EIF2B3: variants seen among roughly 807,000 people sequenced by gnomAD.
The protein encoded by EIF2B3 is eukaryotic translation initiation factor 2B subunit gamma, also known as translation initiation factor eIF2B subunit gamma.
EIF2B3 carries 20 observed loss-of-function variants against 54.1 expected under a neutral mutation model. The ratio of observed to expected loss-of-function variants is 0.37; its 90% CI spans 0.26 to 0.54. EIF2B3 has a LOEUF of 0.54. Ranked by LOEUF, EIF2B3 falls within the 20% of genes least tolerant of loss-of-function variation. The pLI, the probability that EIF2B3 is intolerant of heterozygous loss-of-function variation, is 0.86. For synonymous variants in EIF2B3, 153 were observed against 188.1 expected, an observed-to-expected ratio of 0.81 and a Z score of 1.52; for missense variants, 448 against 547.8, an observed-to-expected ratio of 0.82 and a Z score of 1.82.
intron 1 of EIF2B3, among the ~76,000 whole-genome samples, chr1:44,984,287 A>G (rs1569901695): frequency 6.6e-6 from 1 of 152,100 alleles, no homozygotes; most frequent in East Asian, 1.9e-4. Context: ...GAGCCTAGGA[A>G]TTCTAGAACA....
intron 3 of EIF2B3, among the ~76,000 whole-genome samples, chr1:44,961,480 C>T (rs72676581): frequency 0.14 from 21,156 of 152,008 alleles, 1,639 homozygotes; most frequent in Non-Finnish European, 0.17. Context: ...AAATTTGAGA[C>T]CAGCCTGGGT....
chr1:44,971,331 C>A (rs765398301), intron 3 of EIF2B3, among the ~76,000 whole-genome samples: 2 of 151,238 alleles, frequency 1.3e-5, no homozygotes, highest in Non-Finnish European at 2.9e-5. Context: ...TGCAGTGAGC[C>A]CGCACTCCAG....
Position 44,970,807 on chromosome 1 carries a change from A to G in EIF2B3, c.294+7508T>C, listed in dbSNP as rs148165012. The stretch of plus-strand genomic sequence containing the variant: ...TTGGGCATTTATTTACGTTCTTCCA[A>G]CAGTTAGCCTTGTTGCCTTCTACTC... On this transcript the variant is annotated intron_variant, in intron 3 of 11. Transcript: ENST00000360403. Among the ~76,000 whole-genome samples the G allele has an allele frequency of 3.3e-5, 5 of 152,286 alleles. No individual in the cohort carries two copies. The East Asian group carries it at 9.6e-4, about 29-fold the overall frequency.
chr1:44,970,436 A>T (rs1189389682), intron 3 of EIF2B3, among the ~76,000 whole-genome samples: 1 of 152,218 alleles, frequency 6.6e-6, no homozygotes, highest in Non-Finnish European at 1.5e-5. Flanking sequence ...TAAAACCAAA[A>T]GCCAATAAAC....
chr1:44,901,573 T>C (rs1238799272), intron 5 of EIF2B3, among the ~76,000 whole-genome samples: 2 of 132,426 alleles, frequency 1.5e-5, no homozygotes, highest in Admixed American at 7.4e-5. Context: ...TTTTTTTTTT[T>C]CTTGAGACAG....
At chr1:44,870,132 A>G (rs1654915792) in intron 10 of EIF2B3, among the ~76,000 whole-genome samples, 1 of 151,748 alleles carries the variant, frequency 6.6e-6, no homozygotes, top group African/African-American at 2.4e-5. Flanking sequence ...TGATAACATC[A>G]CTGCACTCCA....
intron 3 of EIF2B3, among the ~76,000 whole-genome samples, chr1:44,946,373 A>T (rs1644101958): frequency 6.6e-6 from 1 of 152,124 alleles, no homozygotes; most frequent in Non-Finnish European, 1.5e-5. Context: ...TTGTCTGATC[A>T]ATTTCCAAAG....
At chr1:44,974,394 G>C (rs1644432376) in intron 3 of EIF2B3, among the ~76,000 whole-genome samples, 1 of 151,118 alleles carries the variant, frequency 6.6e-6, no homozygotes. Flanking sequence ...GATCACCTGA[G>C]CCTGGGGAGG....
At chr1:44,942,412 TATA>T (rs1308734932) in intron 3 of EIF2B3, among the ~76,000 whole-genome samples, 28 of 19,602 alleles carry the variant, frequency 1.4e-3, no homozygotes, top group Non-Finnish European at 2.3e-3. Context: ...TATATATATA[TATA>T]TATTTTTTTT....
intron 8 of EIF2B3, among the ~76,000 whole-genome samples, chr1:44,879,009 C>T (rs560468423): frequency 1.3e-4 from 20 of 152,206 alleles, no homozygotes; most frequent in Non-Finnish European, 2.5e-4. Flanking sequence ...GATCCACCTG[C>T]CTCGGCCTCC....
At chr1:44,856,130 C>T (rs549647270) in intron 11 of EIF2B3, among the ~76,000 whole-genome samples, 33 of 152,262 alleles carry the variant, frequency 2.2e-4, no homozygotes, top group African/African-American at 6.5e-4. Flanking sequence ...TCTTTTGGTA[C>T]ACTCAAGGAG....
chr1:44,916,652 C>T lies in EIF2B3; in HGVS notation c.566+9976G>A, dbSNP rs114310974. Among the ~76,000 whole-genome samples the T allele has an allele frequency of 5.9e-3, 890 of 150,232 alleles. 12 individuals carry two copies. Among genetic ancestry groups the T allele is most frequent in the African/African-American group, 0.021 (853 of 41,146 alleles). ...CCTGGGCAATATAATGAGACTTCCT[C>T]GCAACAAAAAACAAACAAAAATTAG... On this transcript the variant is annotated intron_variant, in intron 5 of 11. Transcript: ENST00000360403.
In EIF2B3 at chr1:44,850,688, A is replaced by G. The variant is rs973652153; in HGVS notation, c.*263T>C. The G allele has an allele frequency of 9.3e-6, 5 of 539,696 alleles. No homozygotes were observed. The highest frequency in any genetic ancestry group is 1.7e-5 in the Non-Finnish European group (5 of 302,208). 33.4% of individuals were successfully genotyped at this position (539,696 alleles called of 1,614,324 possible). Reference sequence around the variant, plus strand: ...ATTGGACAGCTGCTGCCCCACCGATACATCTTGGCACACAAGAGTTAGGCC... The same window carrying G: ...ATTGGACAGCTGCTGCCCCACCGATGCATCTTGGCACACAAGAGTTAGGCC... On this transcript the variant is annotated 3_prime_UTR_variant, in exon 12 of 12. Coordinates refer to ENST00000360403, the MANE Select transcript of EIF2B3 (RefSeq NM_020365.5).
chr1:44,945,447 G>A (rs1644089927), intron 3 of EIF2B3, among the ~76,000 whole-genome samples: 3 of 151,848 alleles, frequency 2.0e-5, no homozygotes, highest in Non-Finnish European at 4.4e-5. Context: ...CCAGCTACTC[G>A]GGAGGCTGAG....
At chr1:44,955,582 T>G (rs557561276) in intron 3 of EIF2B3, among the ~76,000 whole-genome samples, 1 of 151,912 alleles carries the variant, frequency 6.6e-6, no homozygotes, top group Non-Finnish European at 1.5e-5. Context: ...ACAAGCAACC[T>G]ACAGAATGGG....
At chr1:44,930,016 C>T (rs1163932950) in intron 4 of EIF2B3, among the ~76,000 whole-genome samples, 2 of 152,170 alleles carry the variant, frequency 1.3e-5, no homozygotes, top group African/African-American at 4.8e-5. Flanking sequence ...GCTACACAAA[C>T]TTAAGAAAGC....
At chr1:44,943,378 CTAT>C (rs1644060119) in intron 3 of EIF2B3, among the ~76,000 whole-genome samples, 1 of 91,824 alleles carries the variant, frequency 1.1e-5, no homozygotes, top group African/African-American at 3.5e-5. Context: ...CTATCTATAT[CTAT>C]ATCTATATCT....
intron 5 of EIF2B3, among the ~76,000 whole-genome samples, chr1:44,912,741 T>A (rs1047921017): frequency 6.6e-6 from 1 of 152,222 alleles, no homozygotes; most frequent in Non-Finnish European, 1.5e-5. Flanking sequence ...CTGTTGGACA[T>A]AACTGTTCAG....
At position 44,868,125 on chromosome 1, in the gene EIF2B3, G is replaced by A. The variant is rs143033413; in HGVS notation, c.1202+6553C>T. On this transcript the variant is annotated intron_variant, in intron 10 of 11. Transcript: ENST00000360403. ...TAGAAAGCTGTAGTGTTGGCCGGGC[G>A]CAATGGCTCAAGCCTGTAATCCCAG... 1.5e-3 allele frequency among the ~76,000 whole-genome samples: 229 copies of A among 152,134 alleles called. 1 individual carries two copies. The highest frequency in any genetic ancestry group is 5.2e-3 in the African/African-American group (215 of 41,500).
Sources: gnomAD v4.1 joint callset for allele counts (sites outside exome capture counted in the v4.1 genomes callset) on GRCh38, gnomAD v4.1.1 for gene constraint, MANE v1.5 for transcripts, NCBI Gene and HGNC (gene_info 2026-07-23, HGNC 2026-07-21) for gene names.